Variants in FRMD6 observed in about 807,000 individuals in gnomAD.
The protein encoded by FRMD6 is FERM domain-containing protein 6.
A neutral mutation model predicts 73.2 loss-of-function variants in FRMD6; 37 were observed. The observed-to-expected ratio is 0.51, with a 90% confidence interval of 0.39 to 0.66. FRMD6 has a LOEUF of 0.66. Ranked by LOEUF, FRMD6 falls within the 30% of genes least tolerant of loss-of-function variation. The pLI is 0.00. For synonymous variants in FRMD6, 273 were observed against 282.2 expected (o/e 0.97, Z 0.33); for missense variants, 714 against 780.5 (o/e 0.91, Z 1.02).
At chr14:51,684,403 G>A (rs1895013481) in intron 1 of FRMD6, among the ~76,000 whole-genome samples, 1 of 152,126 alleles carries the variant, frequency 6.6e-6, no homozygotes, top group Admixed American at 6.5e-5. Context: ...CATTCAAGAG[G>A]TTGAAAATTG....
At chr14:51,666,672 A>G (rs886131762) in intron 1 of FRMD6, among the ~76,000 whole-genome samples, 5 of 152,252 alleles carry the variant, frequency 3.3e-5, no homozygotes, top group Admixed American at 6.5e-5. Flanking sequence ...TAATTTTGTA[A>G]CAAAATAATA....
chr14:51,637,681 G>GA (rs1891633706), intron 2 of FRMD6: 1 of 152,056 alleles, frequency 6.6e-6, no homozygotes, highest in Admixed American at 6.6e-5. Context: ...ATGGAGAACA[G>GA]AAAAACATTT....
chr14:51,463,407 C>T, the FRMD6 span, among the ~76,000 whole-genome samples: 1 of 152,298 alleles, frequency 6.6e-6, no homozygotes, highest in South Asian at 2.1e-4. Flanking sequence ...CAGTGTAGTA[C>T]TTGGTGCATA....
chr14:51,450,654 A>G, the FRMD6 span, among the ~76,000 whole-genome samples: 2 of 152,192 alleles, frequency 1.3e-5, no homozygotes, highest in Non-Finnish European at 2.9e-5. Context: ...GAGAATCTAG[A>G]ATTTGGGATT....
At chr14:51,411,057 G>A in the FRMD6 span, among the ~76,000 whole-genome samples, 1 of 152,252 alleles carries the variant, frequency 6.6e-6, no homozygotes, top group East Asian at 1.9e-4. Context: ...AGAAACGGCA[G>A]GCATTAGGCA....
chr14:51,497,367 C>T (rs1883365547), intron 1 of FRMD6, among the ~76,000 whole-genome samples: 1 of 151,022 alleles, frequency 6.6e-6, no homozygotes, highest in South Asian at 2.1e-4. Flanking sequence ...TAAAACTGTT[C>T]TTCAATCTGA....
intron 6 of FRMD6, among the ~76,000 whole-genome samples, chr14:51,705,739 T>G (rs182647813): frequency 1.3e-5 from 2 of 152,258 alleles, no homozygotes; most frequent in East Asian, 3.9e-4. Context: ...TCTTTCCCCA[T>G]CAGTCCACTC....
intron 6 of FRMD6, among the ~76,000 whole-genome samples, chr14:51,705,336 C>G (rs760546297): frequency 2.6e-5 from 4 of 152,060 alleles, no homozygotes; most frequent in Non-Finnish European, 4.4e-5. Context: ...CAACTTCTGG[C>G]TCCGGCCTCC....
At chr14:51,671,486 C>T (rs1027074799) in intron 1 of FRMD6, among the ~76,000 whole-genome samples, 7 of 151,770 alleles carry the variant, frequency 4.6e-5, no homozygotes, top group African/African-American at 1.5e-4. Flanking sequence ...GGTTTTGCAC[C>T]GAAATAAACT....
At chr14:51,559,617 T>C (rs1255543016) in intron 1 of FRMD6, among the ~76,000 whole-genome samples, 2 of 152,310 alleles carry the variant, frequency 1.3e-5, no homozygotes, top group South Asian at 4.1e-4. Flanking sequence ...CTCTATGCTT[T>C]CTTTTCCAGT....
At chr14:51,559,126 G>T (rs1887327407) in intron 1 of FRMD6, among the ~76,000 whole-genome samples, 2 of 152,200 alleles carry the variant, frequency 1.3e-5, no homozygotes, top group Non-Finnish European at 2.9e-5. Flanking sequence ...GTGAGAGAAA[G>T]TTGCATATCA....
intron 12 of FRMD6, among the ~76,000 whole-genome samples, chr14:51,723,602 G>A (rs1239728068): frequency 1.3e-5 from 2 of 151,640 alleles, no homozygotes; most frequent in South Asian, 2.1e-4. Context: ...CCAACGTGGT[G>A]AAACCCCATC....
intron 12 of FRMD6, among the ~76,000 whole-genome samples, chr14:51,723,011 C>T (rs543765363): frequency 6.6e-6 from 1 of 152,330 alleles, no homozygotes; most frequent in East Asian, 1.9e-4. Flanking sequence ...TCTTTTATTT[C>T]AGAATTCTGT....
chr14:51,534,181 A>G (rs1007044282), intron 1 of FRMD6, among the ~76,000 whole-genome samples: 6 of 152,228 alleles, frequency 3.9e-5, no homozygotes, highest in Non-Finnish European at 8.8e-5. Context: ...ACGGCTGTAG[A>G]TCTCAATTCA....
the FRMD6 span, among the ~76,000 whole-genome samples, chr14:51,427,608 C>A: frequency 6.6e-6 from 1 of 152,326 alleles, no homozygotes; most frequent in Non-Finnish European, 1.5e-5. Context: ...CACGTGTTGG[C>A]TATAAGTTGC....
intron 1 of FRMD6, among the ~76,000 whole-genome samples, chr14:51,568,986 C>A (rs749650768): frequency 2.0e-5 from 3 of 151,952 alleles, no homozygotes; most frequent in Non-Finnish European, 4.4e-5. Flanking sequence ...GCTGGGATGA[C>A]AAGCAGGTGC....
chr14:51,659,448 G>T (rs1393195045), intron 1 of FRMD6, among the ~76,000 whole-genome samples: 1 of 152,150 alleles, frequency 6.6e-6, no homozygotes, highest in Admixed American at 6.5e-5. Context: ...TTTTTTGATG[G>T]CATTAAGCAG....
rs1890614738 is a variant in FRMD6 at position 51,613,992 on chromosome 14, C to G, written c.-147+43582C>G. Among the ~76,000 whole-genome samples the G allele has an allele frequency of 3.3e-5, 5 of 152,036 alleles. No individual in the cohort carries two copies. The South Asian group carries it at 1.0e-3, about 32-fold the overall frequency. Reference sequence around the variant, plus strand: ...AAATCCAGTGTGAATTTCACACGTACCACACACCTCAATTGAAGCTACCAC... The same window carrying G: ...AAATCCAGTGTGAATTTCACACGTAGCACACACCTCAATTGAAGCTACCAC... On this transcript the variant is annotated intron_variant, in intron 2 of 14. Transcript: ENST00000356218.
chr14:51,511,363 A>G (rs747962478), intron 1 of FRMD6, among the ~76,000 whole-genome samples: 7 of 152,256 alleles, frequency 4.6e-5, no homozygotes, highest in Non-Finnish European at 8.8e-5. Context: ...GATAATATGA[A>G]TAACAGCTTT....
Sources: gnomAD v4.1 joint callset for allele counts (sites outside exome capture counted in the v4.1 genomes callset) on GRCh38, gnomAD v4.1.1 for gene constraint, MANE v1.5 for transcripts, NCBI Gene and HGNC (gene_info 2026-07-23, HGNC 2026-07-21) for gene names.